GRIA1: variants seen among roughly 807,000 people sequenced by gnomAD.
GRIA1 encodes the protein glutamate receptor 1.
Under a neutral mutation model 99.2 loss-of-function variants are expected in GRIA1, and 31 were observed. The ratio of observed to expected loss-of-function variants is 0.31; its 90% CI spans 0.23 to 0.42. The LOEUF (loss-of-function observed/expected upper bound fraction) is 0.42, where lower values mean the gene tolerates loss of function less well. GRIA1 is among the 10% of genes least tolerant of loss of function. The probability of loss-of-function intolerance (pLI) is 1.00; values close to 1 mark genes in which losing one functional copy is unlikely to be tolerated. For missense variants in GRIA1, 782 were observed against 1,157.5 expected, an observed-to-expected ratio of 0.68 and a Z score of 4.71; for synonymous variants, 438 against 432.4, an observed-to-expected ratio of 1.01 and a Z score of -0.16.
At chr5:153,633,659 G>T (rs1753133450) in intron 2 of GRIA1, among the ~76,000 whole-genome samples, 1 of 152,166 alleles carries the variant, frequency 6.6e-6, no homozygotes, top group African/African-American at 2.4e-5. Context: ...GTATAAGTTA[G>T]AGAGGTGAAA....
intron 15 of GRIA1, among the ~76,000 whole-genome samples, chr5:153,804,944 G>T (rs1328255086): frequency 6.6e-6 from 1 of 151,958 alleles, no homozygotes; most frequent in East Asian, 1.9e-4. Flanking sequence ...CACAGATGGG[G>T]TTTCACCATG....
intron 2 of GRIA1, among the ~76,000 whole-genome samples, chr5:153,625,086 T>C (rs76134513): frequency 0.15 from 22,833 of 152,004 alleles, 1,856 homozygotes; most frequent in Middle Eastern, 0.21. Flanking sequence ...CTGCTGAATA[T>C]AAGTCCCTAG....
chr5:153,656,321 A>G (rs528273380), intron 5 of GRIA1, among the ~76,000 whole-genome samples: 23 of 150,320 alleles, frequency 1.5e-4, no homozygotes, highest in African/African-American at 4.4e-4. Context: ...ACTTCCCAGC[A>G]TGAACAATAT....
At position 153,718,693 on chromosome 5, in the gene GRIA1, A is replaced by G. The variant is rs115406641; in HGVS notation, c.1823+12626A>G. 8.2e-3 allele frequency among the ~76,000 whole-genome samples: 1,255 copies of G among 152,234 alleles called. 15 individuals are homozygous for G. Among genetic ancestry groups the G allele is most frequent in the African/African-American group, 0.028 (1,180 of 41,524 alleles). On this transcript the variant is annotated intron_variant, in intron 11 of 15. Transcript: ENST00000285900. ...ATTTTCTTTCCCTTCCATTATGTTA[A>G]TCACCTCACTTCCTTCCCACCCTAT... is the stretch of plus-strand genomic sequence containing the variant.
At chr5:153,676,435 A>G (rs895345457) in intron 6 of GRIA1, among the ~76,000 whole-genome samples, 5 of 152,336 alleles carry the variant, frequency 3.3e-5, no homozygotes, top group African/African-American at 9.6e-5. Context: ...ATGAGGGGAA[A>G]GTTTACAGGA....
intron 2 of GRIA1, among the ~76,000 whole-genome samples, chr5:153,569,717 G>A (rs1265880748): frequency 6.6e-6 from 1 of 152,166 alleles, no homozygotes; most frequent in Non-Finnish European, 1.5e-5. Context: ...TATGGTTTGG[G>A]TTTCCTATTC....
chr5:153,702,503 T>C (rs754701049), intron 10 of GRIA1, among the ~76,000 whole-genome samples: 10 of 152,246 alleles, frequency 6.6e-5, no homozygotes, highest in Non-Finnish European at 1.0e-4. Flanking sequence ...CTGATAGTTT[T>C]ATTCACTTTA....
intron 2 of GRIA1, among the ~76,000 whole-genome samples, chr5:153,553,159 T>G (rs1227176913): frequency 6.6e-6 from 1 of 152,230 alleles, no homozygotes; most frequent in Non-Finnish European, 1.5e-5. Context: ...CCAACATTCC[T>G]TCTTAACTAA....
chr5:153,527,300 G>A lies in GRIA1; in HGVS notation c.220+33235G>A, dbSNP rs143683219. ...ATCAAATCCTGGGGAAGGGATTAGTGTATTTTTGGTTGTACACAGGATAGG... is the reference window on the plus strand; with the variant it reads ...ATCAAATCCTGGGGAAGGGATTAGTATATTTTTGGTTGTACACAGGATAGG... On this transcript the variant is annotated intron_variant, in intron 2 of 15. Transcript: ENST00000285900. Among the ~76,000 whole-genome samples, 739 of 152,260 alleles carry A rather than the reference G, an allele frequency of 4.9e-3. 5 individuals are homozygous for A. Among genetic ancestry groups the A allele is most frequent in the Non-Finnish European group, 7.6e-3 (519 of 68,018 alleles).
chr5:153,757,317 A>G (rs1762896394), intron 11 of GRIA1, among the ~76,000 whole-genome samples: 1 of 152,226 alleles, frequency 6.6e-6, no homozygotes, highest in Non-Finnish European at 1.5e-5. Flanking sequence ...GCATCAAAAG[A>G]GCAAATATTT....
intron 2 of GRIA1, among the ~76,000 whole-genome samples, chr5:153,601,398 T>C (rs1241819636): frequency 1.3e-5 from 2 of 152,238 alleles, no homozygotes; most frequent in Non-Finnish European, 2.9e-5. Flanking sequence ...CTTTTTTTAA[T>C]ATCTTACAGC....
At chr5:153,630,725 T>C (rs996467359) in intron 2 of GRIA1, among the ~76,000 whole-genome samples, 2 of 152,188 alleles carry the variant, frequency 1.3e-5, no homozygotes, top group Non-Finnish European at 2.9e-5. Flanking sequence ...CTTATCTCCT[T>C]AGCTGTCTTG....
chr5:153,582,002 C>T (rs1763086589), intron 2 of GRIA1, among the ~76,000 whole-genome samples: 1 of 152,226 alleles, frequency 6.6e-6, no homozygotes, highest in Non-Finnish European at 1.5e-5. Context: ...ATGTGATCTA[C>T]GTGCCTCAAC....
intron 5 of GRIA1, among the ~76,000 whole-genome samples, chr5:153,672,732 G>A (rs1756281094): frequency 6.6e-6 from 1 of 152,160 alleles, no homozygotes; most frequent in Admixed American, 6.5e-5. Flanking sequence ...AGGGAGCTGG[G>A]ACCGCTGCTC....
chr5:153,797,715 G>A (rs755559000), intron 14 of GRIA1, among the ~76,000 whole-genome samples: 141 of 152,294 alleles, frequency 9.3e-4, no homozygotes, highest in Admixed American at 3.5e-3. Flanking sequence ...GTTCTGCGGT[G>A]CATTGTACAG....
chr5:153,720,338 T>A (rs1759966439), intron 11 of GRIA1, among the ~76,000 whole-genome samples: 1 of 152,202 alleles, frequency 6.6e-6, no homozygotes, highest in Admixed American at 6.5e-5. Flanking sequence ...AACATCATCA[T>A]AAGCCTTGGA....
intron 11 of GRIA1, among the ~76,000 whole-genome samples, chr5:153,746,929 A>G (rs184033536): frequency 1.3e-5 from 2 of 152,312 alleles, no homozygotes; most frequent in African/African-American, 2.4e-5. Flanking sequence ...ACCCCTTCTC[A>G]GCACAGTGAA....
chr5:153,553,513 G>A (rs898645302), intron 2 of GRIA1, among the ~76,000 whole-genome samples: 5 of 152,128 alleles, frequency 3.3e-5, no homozygotes, highest in Admixed American at 6.5e-5. Flanking sequence ...GGTGTGCTTC[G>A]GGGGTCTTAC....
intron 11 of GRIA1, among the ~76,000 whole-genome samples, chr5:153,731,858 C>T (rs951994235): frequency 3.3e-5 from 5 of 152,138 alleles, no homozygotes; most frequent in South Asian, 2.1e-4. Context: ...ACTTATTATT[C>T]GTTTTATAAC....
Sources: gnomAD v4.1 joint callset for allele counts (sites outside exome capture counted in the v4.1 genomes callset) on GRCh38, gnomAD v4.1.1 for gene constraint, MANE v1.5 for transcripts, NCBI Gene and HGNC (gene_info 2026-07-23, HGNC 2026-07-21) for gene names.